The following CACNA2D3 variants were observed in gnomAD, a reference collection of about 807,000 sequenced individuals.
CACNA2D3 encodes calcium voltage-gated channel auxiliary subunit alpha2delta 3, also known as voltage-dependent calcium channel subunit alpha-2/delta-3.
In CACNA2D3, 60 loss-of-function variants were observed where a neutral mutation model predicts 160.6. The ratio of observed to expected loss-of-function variants is 0.37; its 90% CI spans 0.30 to 0.46. The LOEUF (loss-of-function observed/expected upper bound fraction) is 0.46, where lower values mean the gene tolerates loss of function less well. CACNA2D3 is among the 20% of genes least tolerant of loss of function. The pLI, the probability that CACNA2D3 is intolerant of heterozygous loss-of-function variation, is 1.00. For missense variants in CACNA2D3, 1,205 were observed against 1,365.0 expected, an observed-to-expected ratio of 0.88 and a Z score of 1.85; for synonymous variants, 558 against 492.9, an observed-to-expected ratio of 1.13 and a Z score of -1.75.
At chr3:54,439,024 G>A (rs574847242) in intron 4 of CACNA2D3, among the ~76,000 whole-genome samples, 1 of 152,162 alleles carries the variant, frequency 6.6e-6, no homozygotes, top group Non-Finnish European at 1.5e-5. Flanking sequence ...TGATCACCTT[G>A]GCTGGATGGA....
chr3:54,655,997 A>G lies in CACNA2D3; in HGVS notation c.1167+13756A>G, dbSNP rs934296439. On this transcript the variant is annotated intron_variant, in intron 11 of 37. Transcript: ENST00000474759. Reference sequence around the variant, plus strand: ...AATAGGAGACAAGAACCATGTCCCCATCTTGCAGGGTTGTTTTTGGGCAGA... The same window carrying G: ...AATAGGAGACAAGAACCATGTCCCCGTCTTGCAGGGTTGTTTTTGGGCAGA... Among the ~76,000 whole-genome samples, 8 of 152,220 alleles carry G rather than the reference A, an allele frequency of 5.3e-5. No homozygotes were observed. The South Asian group carries it at 8.3e-4, about 16-fold the overall frequency.
chr3:54,876,823 G>A lies in CACNA2D3; in HGVS notation c.1711-2195G>A, dbSNP rs146059108. Reference sequence around the variant, plus strand: ...ACTCAGTAAACAGTATCTCTCAGTAGTATCCGAATTTCATAGGAATCTGAT... The same window carrying A: ...ACTCAGTAAACAGTATCTCTCAGTAATATCCGAATTTCATAGGAATCTGAT... On this transcript the variant is annotated intron_variant, in intron 18 of 37. Transcript: ENST00000474759. 5.3e-3 allele frequency among the ~76,000 whole-genome samples: 808 copies of A among 152,308 alleles called. 5 individuals carry two copies. The highest frequency in any genetic ancestry group is 0.012 in the African/African-American group (504 of 41,580).
intron 2 of CACNA2D3, among the ~76,000 whole-genome samples, chr3:54,201,067 T>G (rs1158897242): frequency 1.3e-5 from 2 of 152,224 alleles, no homozygotes; most frequent in African/African-American, 2.4e-5. Flanking sequence ...AATGAGACGC[T>G]CTGTAAATGT....
chr3:54,880,218 C>G (rs1401619472), intron 20 of CACNA2D3, among the ~76,000 whole-genome samples: 3 of 152,152 alleles, frequency 2.0e-5, no homozygotes, highest in Non-Finnish European at 4.4e-5. Flanking sequence ...ACGTAAGGGA[C>G]TATGTTTTAA....
At chr3:55,008,885 C>CCACACACGCA (rs1559462256) in intron 33 of CACNA2D3, among the ~76,000 whole-genome samples, 4 of 55,066 alleles carry the variant, frequency 7.3e-5, no homozygotes, top group African/African-American at 2.2e-4. Context: ...CCACCTCCCT[C>CCACACACGCA]TATACACACA....
At chr3:54,413,398 C>CTATATATATCTATATATATAGATATCTA (rs1699701064) in intron 4 of CACNA2D3, among the ~76,000 whole-genome samples, 1 of 143,226 alleles carries the variant, frequency 7.0e-6, no homozygotes, top group Admixed American at 7.0e-5. Flanking sequence ...ATATATATAT[C>CTATATATATCTATATATATAGATATCTA]TATATATATC....
chr3:54,525,653 G>A lies in CACNA2D3; in HGVS notation c.544+21999G>A, dbSNP rs549836407. On this transcript the variant is annotated intron_variant, in intron 5 of 37. Transcript: ENST00000474759. ...TTTGAATATATTATTTCATTGTTTT[G>A]ATGGCCTTTATTGTTTCTACTAAGA... Among the ~76,000 whole-genome samples the A allele has an allele frequency of 9.9e-5, 15 of 152,066 alleles. No homozygotes were observed. In the East Asian group the frequency reaches 2.3e-3, roughly 23 times the overall value.
chr3:55,033,784 ATT>A (rs71873154), intron 35 of CACNA2D3, among the ~76,000 whole-genome samples: 165 of 89,378 alleles, frequency 1.8e-3, no homozygotes, highest in Admixed American at 3.0e-3. Context: ...TGTATTATAT[ATT>A]AAATATATTT....
intron 35 of CACNA2D3, among the ~76,000 whole-genome samples, chr3:55,051,071 A>G (rs1704193870): frequency 6.6e-6 from 1 of 151,262 alleles, no homozygotes; most frequent in Non-Finnish European, 1.5e-5. Flanking sequence ...AGCTCAGAGT[A>G]ATTTGATTGT....
intron 2 of CACNA2D3, among the ~76,000 whole-genome samples, chr3:54,296,355 A>T (rs1429173101): frequency 2.0e-5 from 3 of 152,182 alleles, no homozygotes; most frequent in African/African-American, 7.2e-5. Flanking sequence ...TATGTAGGAA[A>T]GTACAGCTGG....
At chr3:55,053,489 T>A (rs1266121613) in intron 35 of CACNA2D3, among the ~76,000 whole-genome samples, 5 of 152,136 alleles carry the variant, frequency 3.3e-5, no homozygotes, top group Admixed American at 3.3e-4. Flanking sequence ...ATTCATGATT[T>A]TCAGTAGTAT....
intron 3 of CACNA2D3, among the ~76,000 whole-genome samples, chr3:54,328,650 A>G (rs1301439921): frequency 6.6e-6 from 1 of 152,128 alleles, no homozygotes; most frequent in Admixed American, 6.5e-5. Flanking sequence ...TCTGTCCTGC[A>G]CCAGGGTTTG....
chr3:54,248,993 T>C (rs955560681), intron 2 of CACNA2D3, among the ~76,000 whole-genome samples: 11 of 152,230 alleles, frequency 7.2e-5, no homozygotes, highest in Non-Finnish European at 1.5e-4. Flanking sequence ...GCAAATATCT[T>C]TGGTTTCCTC....
intron 13 of CACNA2D3, among the ~76,000 whole-genome samples, chr3:54,764,907 G>T (rs1702189881): frequency 6.6e-6 from 1 of 152,202 alleles, no homozygotes; most frequent in Non-Finnish European, 1.5e-5. Flanking sequence ...CTAAACAGCA[G>T]ATTCTGATGC....
chr3:54,580,438 C>T (rs1358040789), intron 8 of CACNA2D3, among the ~76,000 whole-genome samples: 1 of 152,130 alleles, frequency 6.6e-6, no homozygotes, highest in Non-Finnish European at 1.5e-5. Context: ...CACTCCCTTG[C>T]TCACAGCCCT....
intron 2 of CACNA2D3, among the ~76,000 whole-genome samples, chr3:54,174,446 G>A (rs2107315206): frequency 6.6e-6 from 1 of 152,300 alleles, no homozygotes; most frequent in East Asian, 1.9e-4. Context: ...AGTGGGTTGG[G>A]ATCTTCTTGC....
intron 2 of CACNA2D3, among the ~76,000 whole-genome samples, chr3:54,197,004 T>C (rs778212780): frequency 2.0e-5 from 3 of 152,218 alleles, no homozygotes; most frequent in Non-Finnish European, 4.4e-5. Context: ...TAATAGGACT[T>C]TTAGTAAACA....
At chr3:54,837,282 A>C in intron 15 of CACNA2D3, 52 bp downstream of exon 15, 2 of 1,441,176 alleles carry the variant, frequency 1.4e-6, no homozygotes, top group Non-Finnish European at 2.0e-6. Context: ...TGGTTTTCTC[A>C]GACCCCCTCT....
intron 11 of CACNA2D3, among the ~76,000 whole-genome samples, chr3:54,680,294 A>G (rs1700318570): frequency 6.6e-6 from 1 of 152,262 alleles, no homozygotes; most frequent in Non-Finnish European, 1.5e-5. Context: ...CAGCTCAACA[A>G]CACTTCCTTT....
Sources: allele counts gnomAD v4.1 joint callset (sites outside exome capture counted in the v4.1 genomes callset), GRCh38; gene constraint gnomAD v4.1.1; transcripts MANE v1.5; gene names NCBI Gene and HGNC (gene_info 2026-07-23, HGNC 2026-07-21).